The following SHANK2 variants were observed in gnomAD, a reference collection of about 807,000 sequenced individuals.
SHANK2 encodes SH3 and multiple ankyrin repeat domains 2, also known as SH3 and multiple ankyrin repeat domains protein 2.
A neutral mutation model predicts 133.7 loss-of-function variants in SHANK2; 43 were observed. That is an observed-to-expected ratio of 0.32 (90% CI 0.25 to 0.41). The LOEUF is 0.41. SHANK2 is among the 10% of genes least tolerant of loss of function. SHANK2 has a pLI of 1.00. For missense variants in SHANK2, 1,994 were observed against 2,235.8 expected (o/e 0.89, Z 2.18); for synonymous variants, 1,017 against 952.8 (o/e 1.07, Z -1.24).
At chr11:70,606,652 G>A (rs192675549) in intron 17 of SHANK2, among the ~76,000 whole-genome samples, 22 of 152,068 alleles carry the variant, frequency 1.4e-4, no homozygotes, top group Admixed American at 1.0e-3. Flanking sequence ...CCTCCTGGGC[G>A]TCTGTGTCTT....
At chr11:70,648,464 C>T (rs2061298386) in intron 17 of SHANK2, among the ~76,000 whole-genome samples, 1 of 152,186 alleles carries the variant, frequency 6.6e-6, no homozygotes, top group Admixed American at 6.5e-5. Flanking sequence ...TTTTCTTTGG[C>T]TTCTCTGCAT....
chr11:71,104,872 G>A (rs1200671260), intron 6 of SHANK2, among the ~76,000 whole-genome samples: 1 of 152,218 alleles, frequency 6.6e-6, no homozygotes, highest in Non-Finnish European at 1.5e-5. Flanking sequence ...GTCTGCAGCC[G>A]ACCTGTGGGT....
At chr11:70,474,006 G>T in intron 25 of SHANK2, 1 of 195,696 alleles carries the variant, frequency 5.1e-6, no homozygotes, top group Non-Finnish European at 1.1e-5. Context: ...ACAAGAGCAG[G>T]GCAGGATCCT....
chr11:70,469,903 A>G lies in SHANK2; in HGVS notation c.*2966T>C, dbSNP rs782702560. 3.3e-5 allele frequency: 5 copies of G among 152,616 alleles called. No homozygotes were observed. The highest frequency in any genetic ancestry group is 4.8e-5 in the African/African-American group (2 of 41,474). 9.5% of individuals were successfully genotyped at this position (152,616 alleles called of 1,614,324 possible). A position where few individuals can be genotyped will look rare whatever the true frequency, so the allele number is the denominator to read the frequency against. On this transcript the variant is annotated 3_prime_UTR_variant, in exon 26 of 26. Coordinates refer to ENST00000601538, the MANE Select transcript of SHANK2 (RefSeq NM_012309.5). ...AAAGGTATCTTGGCAGGTATACATA[A>G]TTTACATTTTGAGAGATTTGGGTTT...
chr11:71,210,231 T>TATAC (rs1954234273), intron 2 of SHANK2, among the ~76,000 whole-genome samples: 1 of 70,064 alleles, frequency 1.4e-5, no homozygotes, highest in Non-Finnish European at 2.8e-5. Flanking sequence ...TATATATATA[T>TATAC]ATATATATAT....
chr11:70,586,616 C>A lies in SHANK2; in HGVS notation c.2061+73212G>T, dbSNP rs77736343. On this transcript the variant is annotated intron_variant, in intron 17 of 25. Coordinates refer to ENST00000601538, the MANE Select transcript of SHANK2 (RefSeq NM_012309.5). ...TGGGACGCAGACTCTCAGTACAGATCGCCAGCCTCTGGCACCGTTGCTGTG... is the reference window on the plus strand; with the variant it reads ...TGGGACGCAGACTCTCAGTACAGATAGCCAGCCTCTGGCACCGTTGCTGTG... Among the ~76,000 whole-genome samples the A allele has an allele frequency of 2.3e-3, 347 of 152,338 alleles. 2 individuals carry two copies. The highest frequency in any genetic ancestry group is 0.01 in the Middle Eastern group (3 of 294).
intron 14 of SHANK2, among the ~76,000 whole-genome samples, chr11:70,730,225 C>T (rs920674066): frequency 3.3e-5 from 5 of 152,116 alleles, no homozygotes; most frequent in Non-Finnish European, 2.9e-5. Context: ...TGGAGTTCCC[C>T]GAGCTCTTTG....
chr11:71,152,775 G>C (rs562695472), intron 2 of SHANK2, among the ~76,000 whole-genome samples: 3 of 152,176 alleles, frequency 2.0e-5, no homozygotes, highest in Non-Finnish European at 4.4e-5. Flanking sequence ...TATCCTGGGA[G>C]CTCATGGCCA....
In SHANK2 at chr11:70,487,545, G is replaced by A; in HGVS notation, c.2748C>T (p.Val916=). Residue 916 remains valine, a synonymous_variant, in exon 25 of 26, where the codon GTC becomes GTT. Transcript: ENST00000601538. This position sits in a 1 kb window ranked among gnomAD's most constrained non-coding sequence, Gnocchi z 5.8. ...YNCPKSPTPR[V]YGTIKPAFNQ... is the part of the protein sequence containing the mutation. Reference sequence around the variant, plus strand: ...TGAACGCAGGCTTAATCGTCCCGTAGACTCTTGGAGTTGGGGACTTGGGGC... The same window carrying A: ...TGAACGCAGGCTTAATCGTCCCGTAAACTCTTGGAGTTGGGGACTTGGGGC... The A allele has an allele frequency of 3.7e-6, 6 of 1,613,778 alleles. No individual in the cohort carries two copies. The highest frequency in any genetic ancestry group is 4.2e-6 in the Non-Finnish European group (5 of 1,179,960).
intron 14 of SHANK2, among the ~76,000 whole-genome samples, chr11:70,761,050 A>G (rs544611052): frequency 7.9e-5 from 12 of 152,196 alleles, no homozygotes; most frequent in African/African-American, 2.9e-4. Context: ...CACTGGGAGG[A>G]GAGCGTGGGA....
chr11:70,495,061 G>A (rs2058949464), intron 21 of SHANK2, among the ~76,000 whole-genome samples: 1 of 152,180 alleles, frequency 6.6e-6, no homozygotes, highest in East Asian at 1.9e-4. Context: ...CATCTCACTT[G>A]GCAGTGGGGA....
rs574917834 is a variant in SHANK2 at position 70,663,450 on chromosome 11, G to A, written c.1854-1772C>T. On this transcript the variant is annotated intron_variant, in intron 15 of 25. Transcript: ENST00000601538. ...AGATGAGGCTGGTGAGGCTCAGAGA[G>A]ATCGGAGGACCCAGCTAGGGAACGC... Among the ~76,000 whole-genome samples the A allele has an allele frequency of 2.4e-3, 371 of 152,314 alleles. 1 individual carries two copies. Among genetic ancestry groups the A allele is most frequent in the Middle Eastern group, 0.01 (3 of 294 alleles).
At position 70,537,015 on chromosome 11, in the gene SHANK2, A is replaced by G. The variant is rs2059552493; in HGVS notation, c.2062-34084T>C. ...AGTGTTGGGCTTTGTGTCGTACGTC[A>G]GCTAGAAGAGGGTTCCCCAGATGAG... On this transcript the variant is annotated intron_variant, in intron 17 of 25. Transcript: ENST00000601538. Among the ~76,000 whole-genome samples the G allele has an allele frequency of 4.6e-5, 7 of 152,214 alleles. No individual in the cohort carries two copies. In the South Asian group the frequency reaches 1.4e-3, roughly 32 times the overall value.
At chr11:71,091,224 T>C (rs1431184694) in intron 8 of SHANK2, among the ~76,000 whole-genome samples, 1 of 151,766 alleles carries the variant, frequency 6.6e-6, no homozygotes, top group Non-Finnish European at 1.5e-5. Flanking sequence ...CCAGCTTGGG[T>C]GTGGGCCGGG....
At chr11:70,510,575 T>C (rs1554969153) in intron 17 of SHANK2, among the ~76,000 whole-genome samples, 2 of 152,216 alleles carry the variant, frequency 1.3e-5, no homozygotes. Context: ...CAGCTGTCTG[T>C]GAGGCCTCTG....
intron 14 of SHANK2, among the ~76,000 whole-genome samples, chr11:70,747,658 G>A (rs1946668258): frequency 1.3e-5 from 2 of 152,214 alleles, no homozygotes; most frequent in African/African-American, 4.8e-5. Flanking sequence ...ATTCCATGCT[G>A]AATAGCAGAG....
At chr11:70,554,459 T>C (rs2059804844) in intron 17 of SHANK2, among the ~76,000 whole-genome samples, 1 of 152,212 alleles carries the variant, frequency 6.6e-6, no homozygotes, top group African/African-American at 2.4e-5. Flanking sequence ...CCTGATCTTA[T>C]TTTAACAAAG....
chr11:71,149,836 G>A (rs1952731979), intron 2 of SHANK2, among the ~76,000 whole-genome samples: 1 of 125,454 alleles, frequency 8.0e-6, no homozygotes, highest in Non-Finnish European at 1.7e-5. Flanking sequence ...AGAAGGGAGG[G>A]AAGGAGAAAG....
intron 6 of SHANK2, among the ~76,000 whole-genome samples, chr11:71,099,342 G>A (rs1555096237): frequency 6.6e-6 from 1 of 152,156 alleles, no homozygotes; most frequent in Admixed American, 6.5e-5. Flanking sequence ...ACTGTGAGAA[G>A]CGTACCATAC....
Sources: allele counts gnomAD v4.1 joint callset (sites outside exome capture counted in the v4.1 genomes callset), GRCh38; gene constraint gnomAD v4.1.1; non-coding constraint Gnocchi (gnomAD v3.1); transcripts MANE v1.5; gene names NCBI Gene and HGNC (gene_info 2026-07-23, HGNC 2026-07-21).